PHF20: variants seen among roughly 807,000 people sequenced by gnomAD.
PHF20 encodes the protein PHD finger protein 20.
A neutral mutation model predicts 113.5 loss-of-function variants in PHF20; 23 were observed. That is an observed-to-expected ratio of 0.20 (90% confidence interval 0.15 to 0.29). The LOEUF is 0.29. PHF20 is among the 10% of genes least tolerant of loss of function. The pLI, the probability that PHF20 is intolerant of heterozygous loss-of-function variation, is 1.00. For synonymous variants in PHF20, 434 were observed against 457.3 expected (o/e 0.95, Z 0.65); for missense variants, 943 against 1,219.6 (o/e 0.77, Z 3.38).
At chr20:35,823,632 CAA>C (rs34177764) in intron 2 of PHF20, among the ~76,000 whole-genome samples, 9,706 of 53,004 alleles carry the variant, frequency 0.18, 127 homozygotes, top group South Asian at 0.27. Context: ...GACCCTGTCT[CAA>C]AAAAAAAAAA....
intron 2 of PHF20, among the ~76,000 whole-genome samples, chr20:35,812,363 G>A (rs1243546706): frequency 1.3e-5 from 2 of 152,052 alleles, no homozygotes; most frequent in Non-Finnish European, 2.9e-5. Context: ...AGCTTGCAGT[G>A]AGCAGAGATC....
chr20:35,926,427 G>A (rs1470046090), intron 13 of PHF20, among the ~76,000 whole-genome samples: 1 of 151,694 alleles, frequency 6.6e-6, no homozygotes, highest in African/African-American at 2.4e-5. Context: ...TTTTAGTAGA[G>A]ACGGGGTTTC....
intron 4 of PHF20, among the ~76,000 whole-genome samples, chr20:35,857,983 C>A (rs759282678): frequency 6.6e-6 from 1 of 152,178 alleles, no homozygotes; most frequent in African/African-American, 2.4e-5. Context: ...GCATTTTACT[C>A]ACTTTCTTAA....
chr20:35,881,056 T>TTTTTTTC, intron 9 of PHF20, among the ~76,000 whole-genome samples: 1 of 142,184 alleles, frequency 7.0e-6, no homozygotes, highest in Non-Finnish European at 1.5e-5. Flanking sequence ...ACCTTTTTTT[T>TTTTTTTC]TTTTTTTTTT....
At chr20:35,878,942 G>A (rs569173139) in intron 9 of PHF20, among the ~76,000 whole-genome samples, 23 of 152,136 alleles carry the variant, frequency 1.5e-4, no homozygotes, top group Non-Finnish European at 3.2e-4. Flanking sequence ...GGTCATTCAA[G>A]GAAGTCAAGT....
intron 6 of PHF20, among the ~76,000 whole-genome samples, chr20:35,865,718 C>T (rs912587982): frequency 8.6e-5 from 13 of 151,872 alleles, no homozygotes; most frequent in African/African-American, 3.1e-4. Flanking sequence ...AGGTTTGTCT[C>T]AATCTCTGGG....
intron 2 of PHF20, among the ~76,000 whole-genome samples, chr20:35,803,665 T>C (rs893939798): frequency 1.3e-5 from 2 of 148,164 alleles, no homozygotes; most frequent in African/African-American, 5.1e-5. Context: ...AGTTCCTTTT[T>C]TGGTTTCAGT....
intron 2 of PHF20, among the ~76,000 whole-genome samples, chr20:35,822,725 C>T (rs1406859405): frequency 6.6e-6 from 1 of 151,298 alleles, no homozygotes; most frequent in East Asian, 1.9e-4. Flanking sequence ...GTAGTCCTAG[C>T]TACTTGGGAG....
intron 5 of PHF20, among the ~76,000 whole-genome samples, chr20:35,860,009 C>T (rs2054189522): frequency 6.6e-6 from 1 of 152,210 alleles, no homozygotes; most frequent in East Asian, 1.9e-4. Flanking sequence ...CAAACTCCGC[C>T]TCCCAAGTTA....
intron 17 of PHF20, among the ~76,000 whole-genome samples, chr20:35,944,931 T>C (rs926971754): frequency 1.3e-5 from 2 of 152,186 alleles, no homozygotes; most frequent in Non-Finnish European, 2.9e-5. Context: ...AAAGACTTAC[T>C]GGTGTTTTGA....
intron 2 of PHF20, among the ~76,000 whole-genome samples, chr20:35,835,052 G>T (rs57182706): frequency 0.098 from 14,968 of 152,022 alleles, 761 homozygotes; most frequent in South Asian, 0.15. Flanking sequence ...TGAGGCGGGC[G>T]GATCACGAGG....
intron 10 of PHF20, among the ~76,000 whole-genome samples, chr20:35,909,937 T>G (rs1250880868): frequency 6.6e-6 from 1 of 152,126 alleles, no homozygotes; most frequent in Non-Finnish European, 1.5e-5. Flanking sequence ...GAGCTTCAGT[T>G]TCCCGGCCTG....
chr20:35,803,278 A>G lies in PHF20; in HGVS notation c.83+1673A>G, dbSNP rs539913635. ...GAAAAAAAAAAAAAAGAAAAAAGAA[A>G]AAATAATTAGGTAATTAGGTACATT... On this transcript the variant is annotated intron_variant, in intron 2 of 17. Coordinates refer to ENST00000374012, the MANE Select transcript of PHF20 (RefSeq NM_016436.5). 4.9e-3 allele frequency among the ~76,000 whole-genome samples: 741 copies of G among 151,612 alleles called. 8 individuals are homozygous for G. The highest frequency in any genetic ancestry group is 0.024 in the Middle Eastern group (7 of 292).
intron 5 of PHF20, among the ~76,000 whole-genome samples, chr20:35,862,328 A>C (rs906959673): frequency 3.9e-5 from 6 of 152,120 alleles, no homozygotes; most frequent in Non-Finnish European, 8.8e-5. Context: ...TTGCTGGCAA[A>C]CTGAACCAGG....
At chr20:35,903,656 C>T (rs938257756) in intron 10 of PHF20, among the ~76,000 whole-genome samples, 1 of 152,154 alleles carries the variant, frequency 6.6e-6, no homozygotes, top group Admixed American at 6.5e-5. Flanking sequence ...AGTTACCAGA[C>T]CGAAGGAACT....
chr20:35,813,342 A>G (rs1222955364), intron 2 of PHF20, among the ~76,000 whole-genome samples: 2 of 152,100 alleles, frequency 1.3e-5, no homozygotes, highest in African/African-American at 4.8e-5. Context: ...AATTCCATTC[A>G]TTATTATTAA....
intron 4 of PHF20, among the ~76,000 whole-genome samples, chr20:35,851,572 C>G (rs1391737266): frequency 6.6e-6 from 1 of 151,914 alleles, no homozygotes; most frequent in Non-Finnish European, 1.5e-5. Flanking sequence ...TTGTGCTTCC[C>G]CCCCAACCCC....
At chr20:35,869,610 T>A in intron 7 of PHF20, 59 bp downstream of exon 7, 1 of 869,624 alleles carries the variant, frequency 1.1e-6, no homozygotes, top group South Asian at 1.4e-5. Context: ...GTCAACTTCC[T>A]CTATATTCAT....
chr20:35,849,714 G>GC (rs1221852897), intron 4 of PHF20, among the ~76,000 whole-genome samples: 1 of 152,026 alleles, frequency 6.6e-6, no homozygotes, highest in Non-Finnish European at 1.5e-5. Flanking sequence ...CGTAGCAGTG[G>GC]CCACCAGCTT....
Sources: allele counts gnomAD v4.1 joint callset (sites outside exome capture counted in the v4.1 genomes callset), GRCh38; gene constraint gnomAD v4.1.1; transcripts MANE v1.5; gene names NCBI Gene and HGNC (gene_info 2026-07-23, HGNC 2026-07-21).